The following DOT1L variants were observed in gnomAD, a reference collection of about 807,000 sequenced individuals.
DOT1L encodes the protein histone-lysine N-methyltransferase, H3 lysine-79 specific.
In DOT1L, 33 loss-of-function variants were observed where a neutral mutation model predicts 153.3. The observed-to-expected ratio is 0.22, with a 90% CI of 0.16 to 0.29. DOT1L has a LOEUF of 0.29. Among genes scored for constraint, DOT1L ranks in the 10% least tolerant of loss-of-function variants. DOT1L has a pLI of 1.00. For missense variants in DOT1L, 1,847 were observed against 2,119.9 expected, an observed-to-expected ratio of 0.87 and a Z score of 2.53; for synonymous variants, 1,135 against 965.1, an observed-to-expected ratio of 1.18 and a Z score of -3.26.
chr19:2,174,984 GTGTGTGTGTGTATATA>G lies in DOT1L; in HGVS notation c.82-5727_82-5712del, dbSNP rs1191225895. On this transcript the variant is annotated intron_variant, in intron 1 of 27. Transcript: ENST00000398665. ...TGTGTGTGTGTGTGTGTGTGTGTGT[GTGTGTGTGTGTATATA>G]TATATTTTTTTTTTTTTAGATGGAG... Among the ~76,000 whole-genome samples the G allele has an allele frequency of 2.8e-5, 3 of 108,134 alleles. No individual in the cohort carries two copies. In the South Asian group the frequency reaches 8.5e-4, roughly 31 times the overall value. 70.9% of individuals were successfully genotyped at this position (108,134 alleles called of 152,430 possible). A position where few individuals can be genotyped will look rare whatever the true frequency, so the allele number is the denominator to read the frequency against.
In DOT1L at chr19:2,220,554, G is replaced by T. The variant is rs1304842652; in HGVS notation, c.2806+332G>T. On this transcript the variant is annotated intron_variant, in intron 23 of 27. Transcript: ENST00000398665. This position sits in a 1 kb window ranked among gnomAD's most constrained non-coding sequence, Gnocchi z 4.5. Reference sequence around the variant, plus strand: ...CTGGGAGGCCCCTGACTCAGGATCGGCTCCACACACAGCAGTGCCCAATGG... The same window carrying T: ...CTGGGAGGCCCCTGACTCAGGATCGTCTCCACACACAGCAGTGCCCAATGG... 1 of 492,168 alleles carries T rather than the reference G, an allele frequency of 2.0e-6. No homozygotes were observed. The highest frequency in any genetic ancestry group is 5.6e-5 in the East Asian group (1 of 17,824). The allele number at this position is 492,168 out of a possible 1,614,324, so 30.5% of individuals were successfully genotyped here.
chr19:2,203,131 C>T (rs1008727389), intron 9 of DOT1L, among the ~76,000 whole-genome samples: 2 of 152,034 alleles, frequency 1.3e-5, no homozygotes, highest in African/African-American at 2.4e-5. Context: ...GAGACGGAGT[C>T]TCACTGTGTC....
intron 9 of DOT1L, among the ~76,000 whole-genome samples, chr19:2,205,333 G>A (rs895502714): frequency 1.3e-5 from 2 of 152,070 alleles, no homozygotes; most frequent in African/African-American, 2.4e-5. Context: ...TGTTTCTCTC[G>A]GTCCTGCGAA....
At chr19:2,221,723 T>A (rs901940501) in intron 23 of DOT1L, 18 of 488,786 alleles carry the variant, frequency 3.7e-5, no homozygotes, top group Non-Finnish European at 5.4e-5. Flanking sequence ...GGAGGCAGCG[T>A]CTCAGCCGGG....
chr19:2,177,778 T>C (rs1171900216), intron 1 of DOT1L, among the ~76,000 whole-genome samples: 1 of 152,092 alleles, frequency 6.6e-6, no homozygotes, highest in Admixed American at 6.6e-5. Flanking sequence ...CTTTTTTTTT[T>C]TGAGCTGGAA....
rs1288185245 is a variant in DOT1L, at chr19:2,190,739, GTCT to G, written c.265-271_265-269del. On this transcript the variant is annotated intron_variant, in intron 4 of 27. Transcript: ENST00000398665. The surrounding 1 kb of genome is among the most constrained non-coding windows in gnomAD (Gnocchi z 4.8). ...CTTGGTGGCCTGTGTGGTTTTGGTG[GTCT>G]TGCCAGTGGGGAGAGAGGCCCGTGG... Among the ~76,000 whole-genome samples the G allele has an allele frequency of 6.6e-6, 1 of 152,056 alleles. No homozygotes were observed. Among genetic ancestry groups the G allele is most frequent in the Non-Finnish European group, 1.5e-5 (1 of 67,972 alleles).
chr19:2,201,157 T>G (rs371131783), intron 8 of DOT1L, among the ~76,000 whole-genome samples: 1,426 of 25,558 alleles, frequency 0.056, 55 homozygotes, highest in Non-Finnish European at 0.075. Context: ...CGTCCTCCCC[T>G]CATTCCTCGT....
rs371675333 is a variant in DOT1L at position 2,217,038 on chromosome 19, G to A, written c.2492G>A (p.Arg831Gln). 5.0e-6 allele frequency: 8 copies of A among 1,612,610 alleles called. No individual in the cohort carries two copies. Among genetic ancestry groups the A allele is most frequent in the East Asian group, 4.5e-5 (2 of 44,876 alleles). ...GSMKLSPQDPRPLSPGALQLA... is the reference protein window; with the variant it reads ...GSMKLSPQDPQPLSPGALQLA... ...ATGAAGCTGAGCCCTCAGGACCCGCGGCCCCTGTCCCCTGGGGCCTTGCAG... is the reference window on the plus strand; with the variant it reads ...ATGAAGCTGAGCCCTCAGGACCCGCAGCCCCTGTCCCCTGGGGCCTTGCAG... Residue 831 changes from arginine (R) to glutamine (Q), a missense_variant, in exon 21 of 28, where the codon CGG becomes CAG. Physicochemically the swap from Arg to Gln is conservative, Grantham distance 43. Transcript: ENST00000398665. The surrounding 1 kb of genome is among the most constrained non-coding windows in gnomAD (Gnocchi z 7.3).
rs115774670 is a variant in DOT1L at position 2,221,992 on chromosome 19, C to A, written c.2823C>A (p.Gly941=). ...TCCCGGCAGGCTTCTCCTACGCTGG[C>A]TCGGTGGCCATCAGCGGGGCCTTGG... The part of the protein sequence containing the change: ...ALAPAGFSYA[G]SVAISGALAG... The change falls in exon 24 of 28, where the codon GGC becomes GGA. Residue 941 remains glycine, a synonymous_variant. Transcript: ENST00000398665. 2.7e-4 allele frequency: 427 copies of A among 1,609,152 alleles called. 3 individuals are homozygous for A. In the African/African-American group the frequency reaches 4.1e-3, roughly 15 times the overall value.
intron 1 of DOT1L, among the ~76,000 whole-genome samples, chr19:2,167,183 G>A (rs1052741747): frequency 1.3e-5 from 2 of 152,184 alleles, no homozygotes; most frequent in Non-Finnish European, 2.9e-5. Context: ...TTTGGTGAAA[G>A]TCAGTGTTCG....
chr19:2,183,475 A>G lies in DOT1L; in HGVS notation c.126-2380A>G, dbSNP rs142482425. On this transcript the variant is annotated intron_variant, in intron 2 of 27. Transcript: ENST00000398665. The stretch of plus-strand genomic sequence containing the variant: ...TGTTTAAAGATGATTGGGCTGTCCT[A>G]GGCTCTCCTCGTTTGGATGTCCGTT... Among the ~76,000 whole-genome samples, 376 of 152,112 alleles carry G rather than the reference A, an allele frequency of 2.5e-3. 2 individuals are homozygous for G. Among genetic ancestry groups the G allele is most frequent in the African/African-American group, 8.5e-3 (353 of 41,516 alleles).
At chr19:2,228,469 A>C (rs757018991) in intron 27 of DOT1L, 340 of 1,209,902 alleles carry the variant, frequency 2.8e-4, no homozygotes, top group Non-Finnish European at 3.4e-4. Flanking sequence ...GGCTCGGCAG[A>C]AGTTCCGGGG....
intron 19 of DOT1L, chr19:2,214,805 G>A (rs2023839305): frequency 4.7e-6 from 3 of 643,832 alleles, no homozygotes; most frequent in African/African-American, 1.8e-5. Context: ...CTCAGCTCTC[G>A]GGGGCATCTC....
At chr19:2,172,332 G>GATGTGTGCCACCA (rs1434700900) in intron 1 of DOT1L, among the ~76,000 whole-genome samples, 2 of 151,372 alleles carry the variant, frequency 1.3e-5, no homozygotes. Flanking sequence ...TGGGACTACA[G>GATGTGTGCCACCA]GCGCCCGCCG....
At chr19:2,165,297 T>C (rs1028405785) in intron 1 of DOT1L, among the ~76,000 whole-genome samples, 4 of 151,036 alleles carry the variant, frequency 2.6e-5, no homozygotes, top group Non-Finnish European at 5.9e-5. Flanking sequence ...CGCGCTGGGC[T>C]TGTGTCAGTT....
intron 1 of DOT1L, among the ~76,000 whole-genome samples, chr19:2,166,837 G>A (rs1192345505): frequency 1.3e-5 from 2 of 152,192 alleles, no homozygotes; most frequent in African/African-American, 4.8e-5. Context: ...CCGTCCAGGT[G>A]CAGAACCCCC....
At chr19:2,211,562 G>A (rs2023715467) in intron 15 of DOT1L, among the ~76,000 whole-genome samples, 189 bp from the exon 16 acceptor site, 1 of 152,354 alleles carries the variant, frequency 6.6e-6, no homozygotes, top group Non-Finnish European at 1.5e-5. Context: ...CTGCGCAGGG[G>A]TCAGAGGGCC....
chr19:2,208,821 C>T lies in DOT1L; in HGVS notation c.964-114C>T. On this transcript the variant is annotated intron_variant, in intron 11 of 27. Transcript: ENST00000398665. This position sits in a 1 kb window ranked among gnomAD's most constrained non-coding sequence, Gnocchi z 4.4. Reference sequence around the variant, plus strand: ...GCTGCATGCCTGCTGTCCCCAGATACCAGAACAGCCTCCCCAGCCACTGTC... The same window carrying T: ...GCTGCATGCCTGCTGTCCCCAGATATCAGAACAGCCTCCCCAGCCACTGTC... 1.8e-6 allele frequency: 2 copies of T among 1,105,854 alleles called. No individual in the cohort carries two copies. Among genetic ancestry groups the T allele is most frequent in the Non-Finnish European group, 2.6e-6 (2 of 756,272 alleles). 68.5% of individuals were successfully genotyped at this position (1,105,854 alleles called of 1,614,324 possible).
chr19:2,202,625 G>A (rs759679787), intron 8 of DOT1L, 75 bp from the exon 9 acceptor site: 34 of 1,449,096 alleles, frequency 2.3e-5, no homozygotes, highest in African/African-American at 1.8e-4. Flanking sequence ...CGACAGCAGC[G>A]GTTGTTGGCT....
Sources: allele counts gnomAD v4.1 joint callset (sites outside exome capture counted in the v4.1 genomes callset), GRCh38; gene constraint gnomAD v4.1.1; non-coding constraint Gnocchi (gnomAD v3.1); transcripts MANE v1.5; gene names NCBI Gene and HGNC (gene_info 2026-07-23, HGNC 2026-07-21).